The following CYFIP2 variants were observed in gnomAD, a reference collection of about 807,000 sequenced individuals.
CYFIP2 encodes cytoplasmic FMR1-interacting protein 2.
CYFIP2 carries 29 observed loss-of-function variants against 158.7 expected under a neutral mutation model. The observed-to-expected ratio is 0.18, with a 90% CI of 0.14 to 0.25. The LOEUF (loss-of-function observed/expected upper bound fraction) is 0.25. Among genes scored for constraint, CYFIP2 ranks in the 10% least tolerant of loss-of-function variants. The probability of loss-of-function intolerance (pLI) is 1.00; values close to 1 mark genes in which losing one functional copy is unlikely to be tolerated. For missense variants in CYFIP2, 852 were observed against 1,639.5 expected (o/e 0.52, Z 8.29); for synonymous variants, 585 against 617.6 (o/e 0.95, Z 0.78).
In CYFIP2 at chr5:157,307,868, C is replaced by G; in HGVS notation, c.900+3C>G. 1.9e-6 allele frequency: 3 copies of G among 1,555,778 alleles called. No homozygotes were observed. The highest frequency in any genetic ancestry group is 1.8e-6 in the Non-Finnish European group (2 of 1,135,298). On this transcript the variant is annotated splice_donor_region_variant and intron_variant, in intron 9 of 30. Transcript: ENST00000620254. ...GCAAAATTGATAAATTCTTTAAGGT[C>G]AGCAACTGGGGCTGGGGCTGGGCAG...
chr5:157,347,584 C>T (rs969816741), intron 23 of CYFIP2, among the ~76,000 whole-genome samples: 5 of 152,184 alleles, frequency 3.3e-5, no homozygotes, highest in Admixed American at 2.6e-4. Context: ...AGAAAGGCCA[C>T]GCAGCTGTTT....
rs748127133 is a variant in CYFIP2 at position 157,389,365 on chromosome 5, G to C, written c.3384G>C (p.Arg1128=). ...MHVDECVEFH[R]LWSAMQFVYC... ...TCGATGAGTGTGTGGAGTTCCACCGGCTGTGGAGCGCCATGCAGTTCGTGT... is the reference window on the plus strand; with the variant it reads ...TCGATGAGTGTGTGGAGTTCCACCGCCTGTGGAGCGCCATGCAGTTCGTGT... Residue 1128 remains arginine (R), a synonymous_variant, in exon 29 of 31, where the codon CGG becomes CGC. Coordinates refer to ENST00000620254, the MANE Select transcript of CYFIP2 (RefSeq NM_001037333.3). 3.1e-6 allele frequency: 5 copies of C among 1,613,520 alleles called. No individual in the cohort carries two copies. In the East Asian group the frequency reaches 8.9e-5, roughly 29 times the overall value.
chr5:157,290,173 G>C (rs1478512120), intron 3 of CYFIP2, among the ~76,000 whole-genome samples: 1 of 152,218 alleles, frequency 6.6e-6, no homozygotes, highest in African/African-American at 2.4e-5. Context: ...TGCCCTAATA[G>C]AGTGTCACAA....
intron 16 of CYFIP2, chr5:157,324,753 T>G (rs1428207302): frequency 1.1e-4 from 7 of 65,026 alleles, no homozygotes; most frequent in Non-Finnish European, 1.7e-4. Context: ...TGAACACACT[T>G]TTTTTTTTTT....
intron 23 of CYFIP2, among the ~76,000 whole-genome samples, chr5:157,349,038 C>T (rs1762890893): frequency 6.6e-6 from 1 of 152,112 alleles, no homozygotes; most frequent in Non-Finnish European, 1.5e-5. Context: ...ACCTTGGCCT[C>T]CCAAAGTACT....
In CYFIP2 at chr5:157,361,832, G is replaced by A. The variant is rs1361762575; in HGVS notation, c.3039+234G>A. Among the ~76,000 whole-genome samples, 1 of 152,150 alleles carries A rather than the reference G, an allele frequency of 6.6e-6. No homozygotes were observed. The highest frequency in any genetic ancestry group is 1.5e-5 in the Non-Finnish European group (1 of 68,030). On this transcript the variant is annotated intron_variant, in intron 26 of 30. Transcript: ENST00000620254. The surrounding 1 kb of genome is among the most constrained non-coding windows in gnomAD (Gnocchi z 4.4). The stretch of plus-strand genomic sequence containing the variant: ...CCTCATGTTATGGAACCAAACTGGG[G>A]TCCACCTGCCTGGCACAGTAAAAAC...
At chr5:157,273,777 A>G (rs1261000481) in intron 1 of CYFIP2, among the ~76,000 whole-genome samples, 2 of 152,146 alleles carry the variant, frequency 1.3e-5, no homozygotes, top group Non-Finnish European at 2.9e-5. Flanking sequence ...TTATAAAAAT[A>G]CTAACTTTTG....
At chr5:157,366,406 T>C (rs1220280) in intron 26 of CYFIP2, among the ~76,000 whole-genome samples, 43,896 of 152,104 alleles carry the variant, frequency 0.29, 6,624 homozygotes, top group Non-Finnish European at 0.34. Flanking sequence ...CCCTTACGGT[T>C]TTGTGATTTG....
chr5:157,281,180 C>T (rs973494513), intron 1 of CYFIP2, among the ~76,000 whole-genome samples: 5 of 152,068 alleles, frequency 3.3e-5, no homozygotes, highest in Admixed American at 1.3e-4. Flanking sequence ...TGTGAGTTGG[C>T]GTCAAAGGCT....
chr5:157,281,190 T>G (rs1756961764), intron 1 of CYFIP2, among the ~76,000 whole-genome samples: 1 of 152,214 alleles, frequency 6.6e-6, no homozygotes, highest in Non-Finnish European at 1.5e-5. Context: ...CGTCAAAGGC[T>G]TAATTAGATT....
Position 157,361,276 on chromosome 5 carries a change from C to T in CYFIP2, c.2909-192C>T, listed in dbSNP as rs374303578. The T allele has an allele frequency of 2.0e-5, 12 of 595,416 alleles. No homozygotes were observed. Among genetic ancestry groups the T allele is most frequent in the East Asian group, 1.2e-4 (4 of 33,202 alleles). 36.9% of individuals were successfully genotyped at this position (595,416 alleles called of 1,614,324 possible). On this transcript the variant is annotated intron_variant, in intron 25 of 30. Coordinates refer to ENST00000620254, the MANE Select transcript of CYFIP2 (RefSeq NM_001037333.3). The surrounding 1 kb of genome is among the most constrained non-coding windows in gnomAD (Gnocchi z 4.4). ...GTGTGTGTTCTGAAAAAGACATGAG[C>T]CAGCTACTCGAACTTTGTCCAGTAC...
intron 15 of CYFIP2, among the ~76,000 whole-genome samples, chr5:157,323,317 G>A (rs973297229): frequency 6.6e-6 from 1 of 152,192 alleles, no homozygotes; most frequent in Non-Finnish European, 1.5e-5. Context: ...GGGCGCCATC[G>A]CTCAGCCATG....
intron 30 of CYFIP2, among the ~76,000 whole-genome samples, chr5:157,391,475 A>G (rs1283067354): frequency 6.6e-6 from 1 of 152,126 alleles, no homozygotes; most frequent in Admixed American, 6.5e-5. Flanking sequence ...CCTGGTAACC[A>G]TCATTCTACT....
At chr5:157,355,576 G>A (rs529048767) in intron 23 of CYFIP2, among the ~76,000 whole-genome samples, 17 of 152,148 alleles carry the variant, frequency 1.1e-4, no homozygotes, top group Non-Finnish European at 1.8e-4. Flanking sequence ...AATTTGAACT[G>A]AGGTGTGCCC....
intron 15 of CYFIP2, chr5:157,323,053 T>C (rs1581058184): frequency 6.5e-7 from 1 of 1,529,508 alleles, no homozygotes; most frequent in South Asian, 1.2e-5. Flanking sequence ...TTGGGTACCC[T>C]TCTCGAGGAG....
intron 23 of CYFIP2, among the ~76,000 whole-genome samples, chr5:157,346,218 G>T (rs11744965): frequency 0.037 from 5,656 of 152,254 alleles, 144 homozygotes; most frequent in Non-Finnish European, 0.053. Flanking sequence ...GAAGGCAGAA[G>T]ACCTGAGCCC....
chr5:157,363,810 G>A (rs991976770), intron 26 of CYFIP2: 1 of 152,352 alleles, frequency 6.6e-6, no homozygotes, highest in African/African-American at 2.4e-5. Context: ...GAGGGGAAAG[G>A]AGAAGCCTGG....
At chr5:157,370,292 G>A (rs1329251610) in intron 26 of CYFIP2, among the ~76,000 whole-genome samples, 1 of 152,168 alleles carries the variant, frequency 6.6e-6, no homozygotes, top group Non-Finnish European at 1.5e-5. Flanking sequence ...TGACATTGAT[G>A]CTTAGTTGTC....
At chr5:157,300,363 C>T (rs989590511) in intron 5 of CYFIP2, among the ~76,000 whole-genome samples, 2 of 151,612 alleles carry the variant, frequency 1.3e-5, no homozygotes, top group Non-Finnish European at 2.9e-5. Context: ...GGTGAAACCC[C>T]GTCTCTACTA....
Sources: gnomAD v4.1 joint callset for allele counts (sites outside exome capture counted in the v4.1 genomes callset) on GRCh38, gnomAD v4.1.1 for gene constraint, Gnocchi (gnomAD v3.1) non-coding constraint, MANE v1.5 for transcripts, NCBI Gene and HGNC (gene_info 2026-07-23, HGNC 2026-07-21) for gene names.